Variants in MYH11 observed in about 807,000 individuals in gnomAD.
MYH11 encodes myosin heavy chain 11.
MYH11 carries 80 observed loss-of-function variants against 246.6 expected under a neutral mutation model. That is an observed-to-expected ratio of 0.32 (90% CI 0.27 to 0.39). The LOEUF (loss-of-function observed/expected upper bound fraction) is 0.39, where lower values mean the gene tolerates loss of function less well. Among genes scored for constraint, MYH11 ranks in the 10% least tolerant of loss-of-function variants. The probability of loss-of-function intolerance (pLI) is 1.00; values close to 1 mark genes in which losing one functional copy is unlikely to be tolerated. For missense variants in MYH11, 2,158 were observed against 2,546.8 expected, an observed-to-expected ratio of 0.85 and a Z score of 3.29; for synonymous variants, 1,071 against 1,015.5, an observed-to-expected ratio of 1.05 and a Z score of -1.04.
chr16:15,718,663 C>T (rs1340426455), intron 36 of MYH11: 6 of 620,118 alleles, frequency 9.7e-6, no homozygotes, highest in Non-Finnish European at 1.4e-5. Context: ...TGGGGACCAG[C>T]ACACTCCTCC....
At chr16:15,764,204 A>G (rs1270748802) in intron 9 of MYH11, among the ~76,000 whole-genome samples, 27 of 152,212 alleles carry the variant, frequency 1.8e-4, no homozygotes, top group Admixed American at 1.8e-3. Context: ...TGCATGCTAC[A>G]CTGGCAGAGT....
At chr16:15,847,249 T>C (rs1026396674) in intron 1 of MYH11, among the ~76,000 whole-genome samples, 2 of 37,528 alleles carry the variant, frequency 5.3e-5, no homozygotes, top group Admixed American at 4.1e-4. Flanking sequence ...TGGACTTCTT[T>C]TTTTTTTTTT....
At chr16:15,784,561 AT>A in intron 5 of MYH11, 2 of 879,774 alleles carry the variant, frequency 2.3e-6, no homozygotes, top group South Asian at 1.7e-5. Flanking sequence ...GCATTTACTG[AT>A]TTAAGTTGTG....
intron 3 of MYH11, among the ~76,000 whole-genome samples, chr16:15,819,340 G>A (rs959590272): frequency 3.9e-5 from 6 of 152,210 alleles, no homozygotes; most frequent in Non-Finnish European, 8.8e-5. Context: ...ACAGTTAAGA[G>A]GTGGTCTAGC....
chr16:15,712,936 C>T (rs1416294098), intron 40 of MYH11: 3 of 143,518 alleles, frequency 2.1e-5, no homozygotes, highest in African/African-American at 8.1e-5. Context: ...GGACTGCAAC[C>T]TCTCTCTCCC....
rs755050373 is a variant in MYH11, at chr16:15,719,287, C to T, written c.5104G>A (p.Ala1702Thr). 1.2e-6 allele frequency: 2 copies of T among 1,612,436 alleles called. No homozygotes were observed. The highest frequency in any genetic ancestry group is 8.5e-7 in the Non-Finnish European group (1 of 1,180,018). Residue 1702 changes from alanine (A) to threonine (T), a missense_variant, in exon 36 of 41, where the codon GCT becomes ACT. This residue lies in a region of MYH11 where 1,013 missense variants were observed against 993.5 expected (regional missense o/e 1.02). Coordinates refer to ENST00000300036, the MANE Select transcript of MYH11 (RefSeq NM_002474.3). Reference sequence around the variant, plus strand: ...TTCTCGAGGTCCGCTTGTTTGCGAGCCCTCTCAGCGGCGGCGAGGTCCTAG... The same window carrying T: ...TTCTCGAGGTCCGCTTGTTTGCGAGTCCTCTCAGCGGCGGCGAGGTCCTAG... ...LQEDLAAAER[A>T]RKQADLEKEE...
chr16:15,734,323 C>T (rs1348297576), intron 26 of MYH11, among the ~76,000 whole-genome samples: 1 of 151,680 alleles, frequency 6.6e-6, no homozygotes, highest in Non-Finnish European at 1.5e-5. Flanking sequence ...GAGATGGAGT[C>T]TCACTCACTG....
At chr16:15,718,684 C>T in intron 36 of MYH11, 1 of 582,988 alleles carries the variant, frequency 1.7e-6, no homozygotes, top group Non-Finnish European at 3.0e-6. Flanking sequence ...CTGACTCTTC[C>T]TGGCCTCCCC....
At chr16:15,822,694 G>A (rs565638856) in intron 3 of MYH11, among the ~76,000 whole-genome samples, 1 of 152,292 alleles carries the variant, frequency 6.6e-6, no homozygotes, top group South Asian at 2.1e-4. Flanking sequence ...CAGCCTGGGC[G>A]AGAAAGTGAG....
chr16:15,808,758 A>G (rs1403942767), intron 3 of MYH11, among the ~76,000 whole-genome samples: 2 of 152,022 alleles, frequency 1.3e-5, no homozygotes, highest in Non-Finnish European at 2.9e-5. Flanking sequence ...CTGTGGACAG[A>G]GGTGTGTGCC....
At chr16:15,778,629 C>T in intron 7 of MYH11, 151 bp downstream of exon 7, 1 of 833,574 alleles carries the variant, frequency 1.2e-6, no homozygotes, top group East Asian at 2.6e-5. Flanking sequence ...AACCACTGCA[C>T]CACAATGCCT....
Position 15,721,489 on chromosome 16 carries a change from C to T in MYH11, c.4511G>A (p.Arg1504Gln), listed in dbSNP as rs769614526. 9.3e-6 allele frequency: 15 copies of T among 1,614,064 alleles called. No individual in the cohort carries two copies. The highest frequency in any genetic ancestry group is 1.7e-5 in the Admixed American group (1 of 59,988). The change falls in exon 32 of 41, where the codon CGG becomes CAG. Residue 1504 changes from arginine (R) to glutamine (Q), a missense_variant. Transcript: ENST00000300036. ...EALEAKEELE[R>Q]TNKMLKAEME... Reference sequence around the variant, plus strand: ...TTCGGCTTTGAGCATTTTGTTGGTCCGCTCGAGTTCCTCTTTGGCTTCCAA... The same window carrying T: ...TTCGGCTTTGAGCATTTTGTTGGTCTGCTCGAGTTCCTCTTTGGCTTCCAA...
intron 40 of MYH11, among the ~76,000 whole-genome samples, chr16:15,710,558 A>C (rs1431220575): frequency 6.6e-6 from 1 of 152,076 alleles, no homozygotes; most frequent in Non-Finnish European, 1.5e-5. Flanking sequence ...ACTGGGCCTG[A>C]GAAAGGGAAG....
At chr16:15,729,393 A>G (rs2040893804) in intron 27 of MYH11, among the ~76,000 whole-genome samples, 1 of 152,072 alleles carries the variant, frequency 6.6e-6, no homozygotes, top group African/African-American at 2.4e-5. Flanking sequence ...GCGGGTCAGT[A>G]ATGGACATGC....
chr16:15,854,727 G>T (rs1355307405), intron 1 of MYH11, among the ~76,000 whole-genome samples: 2 of 152,108 alleles, frequency 1.3e-5, no homozygotes, highest in Admixed American at 1.3e-4. Context: ...TGGTTTTCAA[G>T]AAAAATCTAC....
At chr16:15,802,007 T>C (rs867315532) in intron 3 of MYH11, among the ~76,000 whole-genome samples, 2 of 152,170 alleles carry the variant, frequency 1.3e-5, no homozygotes, top group Admixed American at 6.5e-5. Context: ...GCCTGAAGTA[T>C]TGAGAAAAGG....
At chr16:15,709,107 A>G (rs1248689602) in intron 40 of MYH11, among the ~76,000 whole-genome samples, 3 of 143,840 alleles carry the variant, frequency 2.1e-5, no homozygotes, top group Non-Finnish European at 4.6e-5. Flanking sequence ...GTGCTTGGCT[A>G]ATTTTTGTAT....
intron 31 of MYH11, among the ~76,000 whole-genome samples, chr16:15,723,777 G>C (rs2040604375): frequency 6.6e-6 from 1 of 152,158 alleles, no homozygotes; most frequent in African/African-American, 2.4e-5. Context: ...TGAAATCTTA[G>C]GGAAGAGTGG....
At chr16:15,709,806 G>T (rs1458744733) in intron 40 of MYH11, among the ~76,000 whole-genome samples, 1 of 152,210 alleles carries the variant, frequency 6.6e-6, no homozygotes, top group Admixed American at 6.5e-5. Context: ...CTTGGTTTAT[G>T]ATTACTTGCT....
Sources: gnomAD v4.1 joint callset for allele counts (sites outside exome capture counted in the v4.1 genomes callset) on GRCh38, gnomAD v4.1.1 for gene constraint, gnomAD v4.1.1 regional missense constraint, MANE v1.5 for transcripts, NCBI Gene and HGNC (gene_info 2026-07-23, HGNC 2026-07-21) for gene names.